The following PCDHGB3 variants were observed in gnomAD, a reference collection of about 807,000 sequenced individuals.
The protein encoded by PCDHGB3 is protocadherin gamma subfamily B, 3, also known as protocadherin gamma-B3.
PCDHGB3 carries 40 observed loss-of-function variants against 59.2 expected under a neutral mutation model. The observed-to-expected ratio is 0.68, with a 90% CI of 0.52 to 0.88. The LOEUF is 0.88. PCDHGB3 is among the 40% of genes least tolerant of loss of function. The pLI, the probability that PCDHGB3 is intolerant of heterozygous loss-of-function variation, is 0.00. For synonymous variants in PCDHGB3, 581 were observed against 503.6 expected, an observed-to-expected ratio of 1.15 and a Z score of -2.06; for missense variants, 1,309 against 1,187.9, an observed-to-expected ratio of 1.10 and a Z score of -1.50.
intron 1 of PCDHGB3, among the ~76,000 whole-genome samples, chr5:141,469,852 C>T (rs529924249): frequency 1.3e-4 from 20 of 152,054 alleles, no homozygotes; most frequent in African/African-American, 4.8e-4. Flanking sequence ...AGATTCAGAC[C>T]GGGTGCAATG....
intron 1 of PCDHGB3, among the ~76,000 whole-genome samples, chr5:141,494,135 GTCAC>G (rs1365926534): frequency 3.3e-5 from 5 of 152,202 alleles, no homozygotes; most frequent in Admixed American, 6.5e-5. Flanking sequence ...CTTCTCCTTA[GTCAC>G]AGACCATTGT....
intron 1 of PCDHGB3, chr5:141,389,731 G>C (rs761645703): frequency 6.2e-7 from 1 of 1,612,688 alleles, no homozygotes; most frequent in Non-Finnish European, 8.5e-7. Context: ...GGGCTCTTCA[G>C]CCTGGGGCTG....
At chr5:141,405,567 G>A in intron 1 of PCDHGB3, 2 of 608,222 alleles carry the variant, frequency 3.3e-6, no homozygotes, top group Non-Finnish European at 5.8e-6. Context: ...TGGGACTAGA[G>A]TAGAGTAGCT....
chr5:141,485,625 G>A lies in PCDHGB3; in HGVS notation c.2416-9182G>A, dbSNP rs1458191111. On this transcript the variant is annotated intron_variant, in intron 1 of 3. Coordinates refer to ENST00000576222, the MANE Select transcript of PCDHGB3 (RefSeq NM_018924.5). This position sits in a 1 kb window ranked among gnomAD's most constrained non-coding sequence, Gnocchi z 5.7. ...GGGGAGGCAGCTCCTCCAGGACAGC[G>A]TTTCCCGTTGGAAAAGGCTCAGGAT... is the stretch of plus-strand genomic sequence containing the variant. The A allele has an allele frequency of 1.2e-6, 2 of 1,611,968 alleles. No homozygotes were observed. The highest frequency in any genetic ancestry group is 3.3e-5 in the Admixed American group (2 of 59,916).
Position 141,477,148 on chromosome 5 carries a change from T to A in PCDHGB3, c.2416-17659T>A. 1 of 1,614,172 alleles carries A rather than the reference T, an allele frequency of 6.2e-7. No individual in the cohort carries two copies. Among genetic ancestry groups the A allele is most frequent in the African/African-American group, 1.3e-5 (1 of 75,050 alleles). On this transcript the variant is annotated intron_variant, in intron 1 of 3. Transcript: ENST00000576222. This position sits in a 1 kb window ranked among gnomAD's most constrained non-coding sequence, Gnocchi z 4.9. ...GCAAAGTGTTGGTGGAGGTTGTGGA[T>A]GTGAATGACAACGCCCCGGAGATCA...
Position 141,384,834 on chromosome 5 carries a change from C to T in PCDHGB3, c.2415+12025C>T, listed in dbSNP as rs369584315. 6.0e-5 allele frequency: 97 copies of T among 1,613,478 alleles called. No individual in the cohort carries two copies. The African/African-American group carries it at 1.2e-3, about 19-fold the overall frequency. On this transcript the variant is annotated intron_variant, in intron 1 of 3. Coordinates refer to ENST00000576222, the MANE Select transcript of PCDHGB3 (RefSeq NM_018924.5). The stretch of plus-strand genomic sequence containing the variant: ...CCCTCAAGCAGAGCCTCGTGGTGGC[C>T]GTCCAGGACCACGGTCAGCCTCCTC...
chr5:141,403,849 G>A, intron 1 of PCDHGB3: 1 of 1,613,560 alleles, frequency 6.2e-7, no homozygotes, highest in East Asian at 2.2e-5. Flanking sequence ...AAAATACTGG[G>A]GAAATATCAA....
rs1263406836 is a variant in PCDHGB3 at position 141,491,918 on chromosome 5, G to A, written c.2416-2889G>A. On this transcript the variant is annotated intron_variant, in intron 1 of 3. Coordinates refer to ENST00000576222, the MANE Select transcript of PCDHGB3 (RefSeq NM_018924.5). The surrounding 1 kb of genome is among the most constrained non-coding windows in gnomAD (Gnocchi z 6.9). ...GCACCGGGGGTGGTGGCGACTGTGGGCGAGGGGAGGTGGGACCGACCCCCA... is the reference window on the plus strand; with the variant it reads ...GCACCGGGGGTGGTGGCGACTGTGGACGAGGGGAGGTGGGACCGACCCCCA... 2 of 1,371,698 alleles carry A rather than the reference G, an allele frequency of 1.5e-6. No homozygotes were observed. Among genetic ancestry groups the A allele is most frequent in the Non-Finnish European group, 1.9e-6 (2 of 1,028,962 alleles). 85.0% of individuals were successfully genotyped at this position (1,371,698 alleles called of 1,614,324 possible).
intron 1 of PCDHGB3, among the ~76,000 whole-genome samples, chr5:141,429,416 T>A (rs527999196): frequency 6.6e-6 from 1 of 152,230 alleles, no homozygotes; most frequent in Admixed American, 6.5e-5. Flanking sequence ...GGTCTCATTA[T>A]GTTGCCCAGG....
rs1248714579 is a variant in PCDHGB3 at position 141,489,513 on chromosome 5, C to A, written c.2416-5294C>A. The A allele has an allele frequency of 6.2e-7, 1 of 1,614,000 alleles. No homozygotes were observed. Among genetic ancestry groups the A allele is most frequent in the African/African-American group, 1.3e-5 (1 of 74,918 alleles). ...CCCTGGCAGTGAATCAAAAGATTGACCGAGAAAGCCTATGTGGAGCCAGCA... is the reference window on the plus strand; with the variant it reads ...CCCTGGCAGTGAATCAAAAGATTGAACGAGAAAGCCTATGTGGAGCCAGCA... On this transcript the variant is annotated intron_variant, in intron 1 of 3. Coordinates refer to ENST00000576222, the MANE Select transcript of PCDHGB3 (RefSeq NM_018924.5). The surrounding 1 kb of genome is among the most constrained non-coding windows in gnomAD (Gnocchi z 4.5).
In PCDHGB3 at chr5:141,511,477, C is replaced by A; in HGVS notation, c.*304C>A. 2.1e-6 allele frequency: 1 copy of A among 482,262 alleles called. No homozygotes were observed. The allele number at this position is 482,262 out of a possible 1,614,324, so 29.9% of individuals were successfully genotyped here. A position where few individuals can be genotyped will look rare whatever the true frequency, so the allele number is the denominator to read the frequency against. On this transcript the variant is annotated 3_prime_UTR_variant, in exon 4 of 4. Coordinates refer to ENST00000576222, the MANE Select transcript of PCDHGB3 (RefSeq NM_018924.5). ...TTTGCCACACCCCGTTTAGTTACAG[C>A]TGAACTCCTCCATCTTCCAAATCAA...
In PCDHGB3 at chr5:141,489,180, CTGGGTCTACCT is replaced by C. The variant is rs906371381; in HGVS notation, c.2416-5623_2416-5613del. 6.3e-5 allele frequency: 79 copies of C among 1,259,748 alleles called. No individual in the cohort carries two copies. The African/African-American group carries it at 9.3e-4, about 15-fold the overall frequency. 78.0% of individuals were successfully genotyped at this position (1,259,748 alleles called of 1,614,324 possible). ...GACTTCAGCTGCTGCATTCCAAGCCCTGGGTCTACCTTGGAGACAGGACAGCACAGACTTAC... is the reference window on the plus strand; with the variant it reads ...GACTTCAGCTGCTGCATTCCAAGCCCTGGAGACAGGACAGCACAGACTTAC... On this transcript the variant is annotated intron_variant, in intron 1 of 3. Coordinates refer to ENST00000576222, the MANE Select transcript of PCDHGB3 (RefSeq NM_018924.5). This position sits in a 1 kb window ranked among gnomAD's most constrained non-coding sequence, Gnocchi z 4.5.
At chr5:141,375,504 T>G in intron 1 of PCDHGB3, 2 of 1,614,004 alleles carry the variant, frequency 1.2e-6, no homozygotes, top group Non-Finnish European at 1.7e-6. Flanking sequence ...ATCTTCTCTG[T>G]GAATGCACTG....
intron 1 of PCDHGB3, chr5:141,419,707 C>G (rs781629810): frequency 6.2e-7 from 1 of 1,613,180 alleles, no homozygotes. Flanking sequence ...AGCCCGGGCT[C>G]TTCAGCCTGG....
intron 1 of PCDHGB3, among the ~76,000 whole-genome samples, chr5:141,420,701 T>C (rs371823252): frequency 7.2e-5 from 11 of 152,226 alleles, no homozygotes; most frequent in Admixed American, 5.9e-4. Flanking sequence ...TATTTCCACT[T>C]CCAGAAATGT....
chr5:141,398,663 C>T (rs2150753348), intron 1 of PCDHGB3: 2 of 1,614,016 alleles, frequency 1.2e-6, no homozygotes, highest in Non-Finnish European at 1.7e-6. Context: ...CCAAGTTTCT[C>T]ATTAATAATT....
Position 141,486,230 on chromosome 5 carries a change from A to C in PCDHGB3, c.2416-8577A>C. On this transcript the variant is annotated intron_variant, in intron 1 of 3. Coordinates refer to ENST00000576222, the MANE Select transcript of PCDHGB3 (RefSeq NM_018924.5). The surrounding 1 kb of genome is among the most constrained non-coding windows in gnomAD (Gnocchi z 5.0). ...TGACAATGCCCCTTACATCACAGTGACCTCAGAGCTTGGAACCCTCCCCGA... is the reference window on the plus strand; with the variant it reads ...TGACAATGCCCCTTACATCACAGTGCCCTCAGAGCTTGGAACCCTCCCCGA... The C allele has an allele frequency of 6.2e-7, 1 of 1,614,016 alleles. No individual in the cohort carries two copies. Among genetic ancestry groups the C allele is most frequent in the Non-Finnish European group, 8.5e-7 (1 of 1,179,964 alleles).
intron 1 of PCDHGB3, chr5:141,414,540 C>A (rs1158346953): frequency 1.2e-5 from 19 of 1,613,948 alleles, no homozygotes; most frequent in Non-Finnish European, 1.5e-5. Context: ...ACCCACCTAC[C>A]TTCTCTCAAG....
chr5:141,374,208 G>T (rs777295061), intron 1 of PCDHGB3: 11 of 1,613,952 alleles, frequency 6.8e-6, no homozygotes, highest in South Asian at 3.3e-5. Flanking sequence ...CTGGAGAAAG[G>T]CTCCTTCGTA....
Sources: gnomAD v4.1 joint callset for allele counts (sites outside exome capture counted in the v4.1 genomes callset) on GRCh38, gnomAD v4.1.1 for gene constraint, Gnocchi (gnomAD v3.1) non-coding constraint, MANE v1.5 for transcripts, NCBI Gene and HGNC (gene_info 2026-07-23, HGNC 2026-07-21) for gene names.